Variants in HIPK2 observed in about 807,000 individuals in gnomAD.
HIPK2 encodes the protein homeodomain-interacting protein kinase 2.
HIPK2 carries 27 observed loss-of-function variants against 113.7 expected under a neutral mutation model. That is an observed-to-expected ratio of 0.24 (90% confidence interval 0.17 to 0.33). The LOEUF (loss-of-function observed/expected upper bound fraction) is 0.33. Among genes scored for constraint, HIPK2 ranks in the 10% least tolerant of loss-of-function variants. HIPK2 has a pLI of 1.00. For missense variants in HIPK2, 1,257 were observed against 1,588.0 expected, an observed-to-expected ratio of 0.79 and a Z score of 3.54; for synonymous variants, 631 against 642.2, an observed-to-expected ratio of 0.98 and a Z score of 0.26.
intron 7 of HIPK2, among the ~76,000 whole-genome samples, chr7:139,619,892 C>T (rs1800177260): frequency 6.6e-6 from 1 of 152,128 alleles, no homozygotes; most frequent in African/African-American, 2.4e-5. Flanking sequence ...TCCTGAGTAG[C>T]TGAGACTATA....
At chr7:139,642,886 T>C (rs1186923795) in intron 2 of HIPK2, among the ~76,000 whole-genome samples, 1 of 152,122 alleles carries the variant, frequency 6.6e-6, no homozygotes, top group Non-Finnish European at 1.5e-5. Context: ...AGGGTACTTT[T>C]GCCTGGTTAT....
intron 1 of HIPK2, among the ~76,000 whole-genome samples, chr7:139,721,616 T>G (rs1357736674): frequency 6.6e-6 from 1 of 152,218 alleles, no homozygotes; most frequent in Non-Finnish European, 1.5e-5. Flanking sequence ...CAATATCCTT[T>G]TCAGGAAAAA....
intron 12 of HIPK2, among the ~76,000 whole-genome samples, chr7:139,585,776 C>T (rs931476931): frequency 2.0e-5 from 3 of 152,168 alleles, no homozygotes; most frequent in African/African-American, 7.2e-5. Flanking sequence ...CATGTGAAAA[C>T]AGGTTTGCAA....
At position 139,716,975 on chromosome 7, in the gene HIPK2, A is replaced by C; in HGVS notation, c.60T>G (p.Leu20=). 6.2e-7 allele frequency: 1 copy of C among 1,613,710 alleles called. No individual in the cohort carries two copies. Among genetic ancestry groups the C allele is most frequent in the Non-Finnish European group, 8.5e-7 (1 of 1,179,682 alleles). The change falls in exon 2 of 15, where the codon CTT becomes CTG. Residue 20 remains leucine (L), a synonymous_variant. Coordinates refer to ENST00000406875, the MANE Select transcript of HIPK2 (RefSeq NM_022740.5). The surrounding 1 kb of genome is among the most constrained non-coding windows in gnomAD (Gnocchi z 9.3). ...TCACACTACAGAAGGCACTTGATTG[A>C]AGGGTGTGAGGGGAGAAAACTTGCA... ...SHVQVFSPHT[L]QSSAFCSVKK...
At chr7:139,697,892 C>T (rs1193786234) in intron 2 of HIPK2, among the ~76,000 whole-genome samples, 2 of 139,256 alleles carry the variant, frequency 1.4e-5, no homozygotes, top group East Asian at 4.0e-4. Context: ...TTTTTTGAGA[C>T]GGAGTCTCGC....
intron 9 of HIPK2, among the ~76,000 whole-genome samples, chr7:139,612,725 C>T (rs557154835): frequency 6.6e-6 from 1 of 152,294 alleles, no homozygotes; most frequent in African/African-American, 2.4e-5. Flanking sequence ...ACCATCAGAG[C>T]ACCTACATGG....
intron 2 of HIPK2, among the ~76,000 whole-genome samples, chr7:139,700,354 C>A (rs1332492423): frequency 6.6e-6 from 1 of 152,148 alleles, no homozygotes; most frequent in African/African-American, 2.4e-5. Flanking sequence ...CACGCACTGA[C>A]CACACAGTGC....
chr7:139,768,727 T>C (rs1351120785), intron 1 of HIPK2, among the ~76,000 whole-genome samples: 1 of 152,082 alleles, frequency 6.6e-6, no homozygotes, highest in Non-Finnish European at 1.5e-5. Flanking sequence ...AGCTTCCGTA[T>C]GCCTCTGGGG....
intron 2 of HIPK2, among the ~76,000 whole-genome samples, chr7:139,632,355 C>A (rs182843028): frequency 2.0e-5 from 3 of 152,220 alleles, no homozygotes; most frequent in Non-Finnish European, 2.9e-5. Context: ...AACAAGCTGT[C>A]CCCTTCCCAA....
intron 2 of HIPK2, among the ~76,000 whole-genome samples, chr7:139,696,067 G>A (rs953601007): frequency 1.3e-5 from 2 of 152,186 alleles, no homozygotes; most frequent in Non-Finnish European, 2.9e-5. Flanking sequence ...GTGTGCTGCA[G>A]ATGAACAGAA....
intron 12 of HIPK2, among the ~76,000 whole-genome samples, chr7:139,587,275 A>G (rs1798863182): frequency 6.6e-6 from 1 of 151,940 alleles, no homozygotes; most frequent in Non-Finnish European, 1.5e-5. Context: ...GGATCACCTG[A>G]GGTCACAAGT....
At chr7:139,579,630 A>G (rs1798601575) in intron 13 of HIPK2, among the ~76,000 whole-genome samples, 1 of 150,072 alleles carries the variant, frequency 6.7e-6, no homozygotes, top group Non-Finnish European at 1.5e-5. Flanking sequence ...TCAGCCTCTC[A>G]AGAAGGTCAA....
chr7:139,717,735 TTTTG>T lies in HIPK2; in HGVS notation c.20-724_20-721del, dbSNP rs201521537. On this transcript the variant is annotated intron_variant, in intron 1 of 14. Transcript: ENST00000406875. ...GAAAGTACTATTTCTTTTTGTTTTT[TTTTG>T]TTTGTTTGTTTGTTTTTGTTTTGAG... Among the ~76,000 whole-genome samples the T allele has an allele frequency of 5.3e-3, 802 of 151,330 alleles. 7 individuals are homozygous for T. Among genetic ancestry groups the T allele is most frequent in the East Asian group, 0.02 (102 of 5,182 alleles).
At chr7:139,726,759 G>C (rs1795588405) in intron 1 of HIPK2, among the ~76,000 whole-genome samples, 1 of 152,174 alleles carries the variant, frequency 6.6e-6, no homozygotes, top group African/African-American at 2.4e-5. Context: ...AACTGGAAGG[G>C]GAAGAGAGCA....
Position 139,718,907 on chromosome 7 carries a change from C to T in HIPK2, c.20-1892G>A, listed in dbSNP as rs187456675. Among the ~76,000 whole-genome samples the T allele has an allele frequency of 4.1e-3, 624 of 152,292 alleles. 3 individuals are homozygous for T. Among genetic ancestry groups the T allele is most frequent in the Admixed American group, 7.3e-3 (112 of 15,308 alleles). ...AATGCCCACATCTTAATCCATCTCC[C>T]CCAACTCGTTAATGCACTATAGGCT... On this transcript the variant is annotated intron_variant, in intron 1 of 14. Coordinates refer to ENST00000406875, the MANE Select transcript of HIPK2 (RefSeq NM_022740.5).
intron 2 of HIPK2, among the ~76,000 whole-genome samples, chr7:139,656,926 A>G (rs1344626450): frequency 1.3e-5 from 2 of 151,118 alleles, no homozygotes; most frequent in South Asian, 4.2e-4. Flanking sequence ...GCTGGAGTGC[A>G]ATGGCACAAT....
rs545757128 is a variant in HIPK2, at chr7:139,653,955, A to T, written c.1104-22230T>A. On this transcript the variant is annotated intron_variant, in intron 2 of 14. Transcript: ENST00000406875. ...ACCATCTTTGCCAGGCTGGTCTCAA[A>T]CTCCTGACCTCAAGTGATCTGCCTG... 2.3e-3 allele frequency among the ~76,000 whole-genome samples: 354 copies of T among 151,664 alleles called. 1 individual carries two copies. The highest frequency in any genetic ancestry group is 7.8e-3 in the African/African-American group (324 of 41,346).
At chr7:139,574,733 G>A (rs1049235785) in intron 14 of HIPK2, among the ~76,000 whole-genome samples, 5 of 152,180 alleles carry the variant, frequency 3.3e-5, no homozygotes, top group Admixed American at 6.5e-5. Flanking sequence ...TGTGGTGTGC[G>A]GGCCCTCCCT....
chr7:139,588,177 G>T (rs1392533815), intron 12 of HIPK2, among the ~76,000 whole-genome samples: 1 of 151,928 alleles, frequency 6.6e-6, no homozygotes, highest in African/African-American at 2.4e-5. Context: ...AATTAGCCAG[G>T]CGTGGTGGTG....
Sources: allele counts gnomAD v4.1 joint callset (sites outside exome capture counted in the v4.1 genomes callset), GRCh38; gene constraint gnomAD v4.1.1; non-coding constraint Gnocchi (gnomAD v3.1); transcripts MANE v1.5; gene names NCBI Gene and HGNC (gene_info 2026-07-23, HGNC 2026-07-21).